The following ARHGAP12 variants were observed in gnomAD, a reference collection of about 807,000 sequenced individuals.
The protein encoded by ARHGAP12 is rho GTPase-activating protein 12.
In ARHGAP12, 64 loss-of-function variants were observed where a neutral mutation model predicts 108.6. The ratio of observed to expected loss-of-function variants is 0.59; its 90% CI spans 0.48 to 0.73. ARHGAP12 has a LOEUF of 0.73. Ranked by LOEUF, ARHGAP12 falls within the 30% of genes least tolerant of loss-of-function variation. ARHGAP12 has a pLI of 0.00. For missense variants in ARHGAP12, 940 were observed against 1,005.9 expected, an observed-to-expected ratio of 0.93 and a Z score of 0.89; for synonymous variants, 312 against 337.2, an observed-to-expected ratio of 0.93 and a Z score of 0.82.
intron 3 of ARHGAP12, among the ~76,000 whole-genome samples, chr10:31,873,025 T>C (rs114704672): frequency 2.8e-4 from 42 of 152,296 alleles, no homozygotes; most frequent in African/African-American, 9.9e-4. Flanking sequence ...AAAGGCAGAA[T>C]TCATGGGCTT....
chr10:31,829,844 A>G (rs1296859579), intron 10 of ARHGAP12, among the ~76,000 whole-genome samples: 2 of 152,212 alleles, frequency 1.3e-5, no homozygotes, highest in Non-Finnish European at 2.9e-5. Context: ...AGCAGCAGGA[A>G]AATGCACAAT....
At chr10:31,903,745 ACT>A (rs918091835) in intron 3 of ARHGAP12, among the ~76,000 whole-genome samples, 10 of 143,476 alleles carry the variant, frequency 7.0e-5, no homozygotes, top group African/African-American at 2.4e-4. Context: ...AAAAAAAAAA[ACT>A]CTCAAAATTC....
intron 6 of ARHGAP12, among the ~76,000 whole-genome samples, chr10:31,850,136 T>C (rs1201589155): frequency 1.3e-5 from 2 of 152,210 alleles, no homozygotes; most frequent in African/African-American, 2.4e-5. Context: ...CAGCAGATGA[T>C]TCCTCCAAAA....
At chr10:31,854,517 G>T (rs1306263648) in intron 4 of ARHGAP12, among the ~76,000 whole-genome samples, 1 of 152,110 alleles carries the variant, frequency 6.6e-6, no homozygotes, top group Non-Finnish European at 1.5e-5. Flanking sequence ...CTGAAATCAA[G>T]TTTAAAAATG....
At chr10:31,907,435 G>A (rs1592368256) in intron 3 of ARHGAP12, among the ~76,000 whole-genome samples, 1 of 151,064 alleles carries the variant, frequency 6.6e-6, no homozygotes, top group Non-Finnish European at 1.5e-5. Context: ...GACCAGCCTG[G>A]GCAACACAGT....
intron 9 of ARHGAP12, among the ~76,000 whole-genome samples, chr10:31,835,562 T>C (rs1835986239): frequency 6.6e-6 from 1 of 152,218 alleles, no homozygotes; most frequent in East Asian, 1.9e-4. Context: ...AGTTCATAAT[T>C]ACTTTGCAGG....
chr10:31,926,371 T>C (rs751645275), intron 1 of ARHGAP12, among the ~76,000 whole-genome samples: 6 of 150,182 alleles, frequency 4.0e-5, no homozygotes, highest in South Asian at 2.1e-4. Flanking sequence ...AGTGGCCCAA[T>C]AGGTTCCTCA....
chr10:31,900,711 C>G (rs1006090637), intron 3 of ARHGAP12, among the ~76,000 whole-genome samples: 1 of 152,282 alleles, frequency 6.6e-6, no homozygotes, highest in Admixed American at 6.5e-5. Context: ...AGGTGAAACA[C>G]AGAGGATGTT....
intron 4 of ARHGAP12, 141 bp downstream of exon 4, chr10:31,861,254 T>C: frequency 9.5e-7 from 1 of 1,048,430 alleles, no homozygotes; most frequent in Non-Finnish European, 1.4e-6. Context: ...TAGTAAAGCT[T>C]GGAAAGAATT....
intron 1 of ARHGAP12, among the ~76,000 whole-genome samples, chr10:31,914,271 G>A (rs1197625575): frequency 6.6e-6 from 1 of 151,834 alleles, no homozygotes; most frequent in Non-Finnish European, 1.5e-5. Flanking sequence ...TTTCCCCTAT[G>A]TTTTCTTTCT....
chr10:31,821,138 A>G (rs1835401394), intron 11 of ARHGAP12, among the ~76,000 whole-genome samples: 1 of 152,150 alleles, frequency 6.6e-6, no homozygotes, highest in South Asian at 2.1e-4. Flanking sequence ...TGGAAACAGA[A>G]AACACTAAGT....
chr10:31,846,365 T>C (rs920484108), intron 6 of ARHGAP12, among the ~76,000 whole-genome samples: 6 of 152,216 alleles, frequency 3.9e-5, no homozygotes, highest in African/African-American at 1.4e-4. Flanking sequence ...TCCCTTCTGT[T>C]TGAAAGACTT....
chr10:31,840,628 T>C (rs2132231314), intron 7 of ARHGAP12, among the ~76,000 whole-genome samples: 1 of 152,260 alleles, frequency 6.6e-6, no homozygotes, highest in Admixed American at 6.5e-5. Flanking sequence ...GTAGGTATCA[T>C]TCTAGTTTTC....
chr10:31,884,484 C>T (rs1462426026), intron 3 of ARHGAP12, among the ~76,000 whole-genome samples: 3 of 152,158 alleles, frequency 2.0e-5, no homozygotes, highest in Admixed American at 6.5e-5. Flanking sequence ...ACTTTACAGC[C>T]TTTTCATATT....
intron 3 of ARHGAP12, among the ~76,000 whole-genome samples, chr10:31,862,705 G>GACACAC (rs559731195): frequency 2.4e-3 from 324 of 133,174 alleles, no homozygotes; most frequent in East Asian, 9.4e-3. Flanking sequence ...TGCACACACA[G>GACACAC]ACACACACAC....
chr10:31,849,095 A>T (rs1836575681), intron 6 of ARHGAP12, among the ~76,000 whole-genome samples: 1 of 152,118 alleles, frequency 6.6e-6, no homozygotes, highest in Non-Finnish European at 1.5e-5. Context: ...ATCTGGAGTG[A>T]ATACCATGTT....
chr10:31,881,207 A>G (rs2132365639), intron 3 of ARHGAP12, among the ~76,000 whole-genome samples: 1 of 152,272 alleles, frequency 6.6e-6, no homozygotes, highest in Non-Finnish European at 1.5e-5. Flanking sequence ...CAGAATATTA[A>G]AAGTGACAAA....
rs189026323 is a variant in ARHGAP12 at position 31,893,403 on chromosome 10, A to C, written c.684+14769T>G. Among the ~76,000 whole-genome samples, 104 of 152,322 alleles carry C rather than the reference A, an allele frequency of 6.8e-4. 2 individuals are homozygous for C. In the East Asian group the frequency reaches 0.019, roughly 27 times the overall value. ...AATCAAATAGACGCAATAAAAAATG[A>C]TAAAGGGGATATCACCACCGATCCC... On this transcript the variant is annotated intron_variant, in intron 3 of 19. Transcript: ENST00000344936.
At chr10:31,893,098 G>A (rs1355703940) in intron 3 of ARHGAP12, among the ~76,000 whole-genome samples, 7 of 152,158 alleles carry the variant, frequency 4.6e-5, no homozygotes, top group Non-Finnish European at 8.8e-5. Flanking sequence ...CACATTTAAA[G>A]CAGTGTGTAA....
Sources: allele counts gnomAD v4.1 joint callset (sites outside exome capture counted in the v4.1 genomes callset), GRCh38; gene constraint gnomAD v4.1.1; transcripts MANE v1.5; gene names NCBI Gene and HGNC (gene_info 2026-07-23, HGNC 2026-07-21).